RBM47: variants seen among roughly 807,000 people sequenced by gnomAD.
RBM47 encodes the protein RNA-binding protein 47.
A neutral mutation model predicts 47.1 loss-of-function variants in RBM47; 21 were observed. The ratio of observed to expected loss-of-function variants is 0.45; its 90% CI spans 0.32 to 0.64. The LOEUF is 0.64. RBM47 is among the 30% of genes least tolerant of loss of function. The pLI is 0.05. For synonymous variants in RBM47, 375 were observed against 361.7 expected (o/e 1.04, Z -0.42); for missense variants, 708 against 870.9 (o/e 0.81, Z 2.35).
At chr4:40,453,923 T>C (rs766466933) in intron 3 of RBM47, among the ~76,000 whole-genome samples, 5 of 152,154 alleles carry the variant, frequency 3.3e-5, no homozygotes, top group Non-Finnish European at 7.3e-5. Flanking sequence ...TTAATGATAG[T>C]TAACTATTTT....
At chr4:40,440,812 T>C (rs1236597621) in intron 3 of RBM47, among the ~76,000 whole-genome samples, 1 of 152,222 alleles carries the variant, frequency 6.6e-6, no homozygotes, top group Non-Finnish European at 1.5e-5. Context: ...AGGAGTGAGT[T>C]AATACATACA....
chr4:40,572,324 G>A (rs528191493), intron 1 of RBM47, among the ~76,000 whole-genome samples: 9 of 145,362 alleles, frequency 6.2e-5, no homozygotes, highest in South Asian at 2.2e-4. Flanking sequence ...CGGAGGTTGC[G>A]CCACTGCACT....
chr4:40,599,269 A>AG (rs1735030188), intron 1 of RBM47, among the ~76,000 whole-genome samples: 1 of 151,758 alleles, frequency 6.6e-6, no homozygotes, highest in Non-Finnish European at 1.5e-5. Flanking sequence ...AAAAAAAAAA[A>AG]AAAGAAAGAG....
At chr4:40,502,152 G>A (rs1386046693) in intron 2 of RBM47, 1 of 154,302 alleles carries the variant, frequency 6.5e-6, no homozygotes, top group African/African-American at 2.4e-5. Context: ...GGCCAAGCTT[G>A]AGCATTTTGT....
intron 1 of RBM47, among the ~76,000 whole-genome samples, chr4:40,556,812 C>T (rs1730140384): frequency 6.6e-6 from 1 of 151,958 alleles, no homozygotes; most frequent in African/African-American, 2.4e-5. Context: ...ATCACCTGAG[C>T]CCAGGATGCA....
chr4:40,523,886 A>T (rs1045219033), intron 2 of RBM47, among the ~76,000 whole-genome samples: 1 of 151,870 alleles, frequency 6.6e-6, no homozygotes. Context: ...AGAGGAAAAG[A>T]AAAGGAAAGG....
intron 2 of RBM47, among the ~76,000 whole-genome samples, chr4:40,520,767 G>GC (rs1254974276): frequency 3.9e-5 from 6 of 152,120 alleles, no homozygotes; most frequent in Non-Finnish European, 8.8e-5. Flanking sequence ...GTAAGAAAGG[G>GC]CCCAGGGGCT....
intron 1 of RBM47, among the ~76,000 whole-genome samples, chr4:40,545,340 G>A (rs1301322002): frequency 1.4e-5 from 2 of 142,044 alleles, no homozygotes; most frequent in African/African-American, 2.5e-5. Context: ...CGTGAGCCAC[G>A]GCGCCCGGCC....
intron 2 of RBM47, among the ~76,000 whole-genome samples, chr4:40,471,066 A>G (rs1338003575): frequency 1.3e-5 from 2 of 152,044 alleles, no homozygotes; most frequent in African/African-American, 4.8e-5. Flanking sequence ...AGATAAACCA[A>G]TTGCCCTCAC....
At chr4:40,597,843 T>C (rs1049965913) in intron 1 of RBM47, among the ~76,000 whole-genome samples, 4 of 152,186 alleles carry the variant, frequency 2.6e-5, no homozygotes, top group African/African-American at 7.2e-5. Flanking sequence ...CATGAAAAAT[T>C]TTCCTGAGCA....
intron 1 of RBM47, among the ~76,000 whole-genome samples, chr4:40,603,175 T>C (rs1051168776): frequency 1.9e-4 from 29 of 152,208 alleles, no homozygotes; most frequent in Non-Finnish European, 3.7e-4. Flanking sequence ...ATTCATTTTG[T>C]CTGTTTTTGA....
At position 40,438,012 on chromosome 4, in the gene RBM47, G is replaced by A. The variant is rs763217154; in HGVS notation, c.882C>T (p.Ala294=). The part of the protein sequence containing the change: ...AFVHFTSRED[A]VHAMNNLNGT... Reference sequence around the variant, plus strand: ...CGTTGAGGTTGTTCATGGCATGCACGGCATCCTCGCGGCTGGTGAAGTGCA... The same window carrying A: ...CGTTGAGGTTGTTCATGGCATGCACAGCATCCTCGCGGCTGGTGAAGTGCA... The change falls in exon 4 of 7, where the codon GCC becomes GCT. Residue 294 remains alanine, a synonymous_variant. Transcript: ENST00000295971. 4 of 1,613,514 alleles carry A rather than the reference G, an allele frequency of 2.5e-6. No homozygotes were observed. Among genetic ancestry groups the A allele is most frequent in the African/African-American group, 2.7e-5 (2 of 74,944 alleles).
intron 1 of RBM47, among the ~76,000 whole-genome samples, chr4:40,577,553 A>AC (rs1732459455): frequency 6.6e-6 from 1 of 151,872 alleles, no homozygotes; most frequent in African/African-American, 2.4e-5. Flanking sequence ...AAAAAAAAAA[A>AC]GGATGTTCCT....
intron 2 of RBM47, among the ~76,000 whole-genome samples, chr4:40,527,210 C>T (rs1307309175): frequency 2.0e-5 from 3 of 152,108 alleles, no homozygotes; most frequent in Non-Finnish European, 4.4e-5. Flanking sequence ...GCAACCTCCA[C>T]CTCCTGGGTT....
intron 2 of RBM47, among the ~76,000 whole-genome samples, chr4:40,505,185 G>C (rs917360077): frequency 1.3e-5 from 2 of 151,826 alleles, no homozygotes; most frequent in Non-Finnish European, 2.9e-5. Flanking sequence ...GCAAGATCTT[G>C]TGTCTAAAAA....
chr4:40,449,112 T>C (rs913508914), intron 3 of RBM47, among the ~76,000 whole-genome samples: 7 of 152,128 alleles, frequency 4.6e-5, no homozygotes, highest in Non-Finnish European at 7.4e-5. Context: ...ACCTCAGAGT[T>C]TGAAAGTGGA....
chr4:40,444,135 G>T (rs1714135010), intron 3 of RBM47, among the ~76,000 whole-genome samples: 1 of 152,148 alleles, frequency 6.6e-6, no homozygotes, highest in South Asian at 2.1e-4. Flanking sequence ...GGAAGTTGAG[G>T]CTGCAGTGAG....
chr4:40,491,596 T>G (rs1353864320), intron 2 of RBM47: 1 of 153,328 alleles, frequency 6.5e-6, no homozygotes, highest in Non-Finnish European at 1.5e-5. Context: ...GATAATAGCC[T>G]TGTATCTAGA....
chr4:40,506,015 A>C (rs1724059852), intron 2 of RBM47, among the ~76,000 whole-genome samples: 1 of 152,228 alleles, frequency 6.6e-6, no homozygotes, highest in Admixed American at 6.6e-5. Context: ...AGTGAGCTGT[A>C]ACCTTCATTA....
Sources: gnomAD v4.1 joint callset for allele counts (sites outside exome capture counted in the v4.1 genomes callset) on GRCh38, gnomAD v4.1.1 for gene constraint, MANE v1.5 for transcripts, NCBI Gene and HGNC (gene_info 2026-07-23, HGNC 2026-07-21) for gene names.